The following EVC2 variants were observed in gnomAD, a reference collection of about 807,000 sequenced individuals.
EVC2 encodes EvC ciliary complex subunit 2.
Under a neutral mutation model 149.3 loss-of-function variants are expected in EVC2, and 148 were observed. That is an observed-to-expected ratio of 0.99 (90% CI 0.87 to 1.14). The LOEUF is 1.14. EVC2 is among the 50% of genes most tolerant of loss of function. EVC2 has a pLI of 0.00. For missense variants in EVC2, 1,854 were observed against 1,627.3 expected (o/e 1.14, Z -2.40); for synonymous variants, 776 against 649.9 (o/e 1.19, Z -2.95).
chr4:5,650,199 G>T (rs867278794), intron 9 of EVC2, among the ~76,000 whole-genome samples: 2 of 152,074 alleles, frequency 1.3e-5, no homozygotes, highest in Non-Finnish European at 2.9e-5. Context: ...TCCTTCCTGG[G>T]ATTTCCATAT....
In EVC2 at chr4:5,685,287, G is replaced by T. The variant is rs1324861649; in HGVS notation, c.816+83C>A. On this transcript the variant is annotated intron_variant, in intron 6 of 21. Coordinates refer to ENST00000344408, the MANE Select transcript of EVC2 (RefSeq NM_147127.5). ...ACTGAAGGAAGGAAGGAACTAACAG[G>T]TCTTCTGTCTGAAGTGTCCCTATTT... is the stretch of plus-strand genomic sequence containing the variant. 2.3e-6 allele frequency: 3 copies of T among 1,304,940 alleles called. No homozygotes were observed. In the African/African-American group the frequency reaches 4.4e-5, roughly 19 times the overall value. 80.8% of individuals were successfully genotyped at this position (1,304,940 alleles called of 1,614,324 possible). A position where few individuals can be genotyped will look rare whatever the true frequency, so the allele number is the denominator to read the frequency against.
At chr4:5,593,243 G>A (rs960703024) in intron 16 of EVC2, among the ~76,000 whole-genome samples, 9 of 152,098 alleles carry the variant, frequency 5.9e-5, no homozygotes, top group African/African-American at 1.7e-4. Flanking sequence ...CCAGAAGTAC[G>A]CCACTGTATA....
chr4:5,592,869 G>C (rs1372794687), intron 16 of EVC2, among the ~76,000 whole-genome samples: 3 of 152,146 alleles, frequency 2.0e-5, no homozygotes, highest in Admixed American at 1.3e-4. Flanking sequence ...ATGTGATATG[G>C]TTTGGCTGTG....
chr4:5,596,600 G>A (rs956892510), intron 16 of EVC2, among the ~76,000 whole-genome samples: 4 of 151,924 alleles, frequency 2.6e-5, no homozygotes, highest in African/African-American at 4.8e-5. Flanking sequence ...AGCACTAAAC[G>A]CCCACAAGAG....
rs199838475 is a variant in EVC2, at chr4:5,568,606, G to A, written c.3395C>T (p.Ala1132Val). The change falls in exon 20 of 22, where the codon GCC (alanine) becomes GTC (valine). Residue 1132 changes from alanine (A) to valine (V), a missense_variant. Physicochemically the swap from Ala to Val is moderately conservative, Grantham distance 64. Coordinates refer to ENST00000344408, the MANE Select transcript of EVC2 (RefSeq NM_147127.5). Reference protein sequence around the residue: ...LRLASYLARMAMVPGATLRRL... With the variant: ...LRLASYLARMVMVPGATLRRL... ...GCGAAGCGTGGCCCCGGGCACCATG[G>A]CCATCCTCGCCAGGTACGATGCCAG... 1.2e-4 allele frequency: 195 copies of A among 1,608,810 alleles called. No homozygotes were observed. Among genetic ancestry groups the A allele is most frequent in the Non-Finnish European group, 1.5e-4 (178 of 1,179,810 alleles).
chr4:5,697,394 T>A (rs1721544798), intron 2 of EVC2, among the ~76,000 whole-genome samples, 199 bp downstream of exon 2: 1 of 152,202 alleles, frequency 6.6e-6, no homozygotes, highest in Non-Finnish European at 1.5e-5. Flanking sequence ...TAGGTTCCAC[T>A]GTGCACTAAC....
At chr4:5,690,531 G>C (rs1435136788) in intron 4 of EVC2, among the ~76,000 whole-genome samples, 2 of 152,038 alleles carry the variant, frequency 1.3e-5, no homozygotes, top group Non-Finnish European at 1.5e-5. Flanking sequence ...TAGAGAACGA[G>C]TAACTGAGGT....
intron 19 of EVC2, among the ~76,000 whole-genome samples, chr4:5,568,880 A>G (rs1439726114): frequency 6.6e-6 from 1 of 151,964 alleles, no homozygotes; most frequent in Non-Finnish European, 1.5e-5. Flanking sequence ...CTCTCAAGTC[A>G]CTGGGGCAGT....
intron 7 of EVC2, among the ~76,000 whole-genome samples, chr4:5,671,494 A>G (rs1719646279): frequency 6.6e-6 from 1 of 152,130 alleles, no homozygotes; most frequent in Admixed American, 6.5e-5. Flanking sequence ...CCTTTTTAAT[A>G]TTTCAAACAA....
At chr4:5,584,077 G>A in intron 17 of EVC2, among the ~76,000 whole-genome samples, 1 of 152,048 alleles carries the variant, frequency 6.6e-6, no homozygotes, top group Non-Finnish European at 1.5e-5. Context: ...CAATAAATGT[G>A]AGGGGTTTTT....
At chr4:5,626,819 C>G (rs999526932) in intron 12 of EVC2, among the ~76,000 whole-genome samples, 1 of 152,102 alleles carries the variant, frequency 6.6e-6, no homozygotes, top group Non-Finnish European at 1.5e-5. Flanking sequence ...TGCCTTACAG[C>G]TAACAGTGGG....
intron 9 of EVC2, among the ~76,000 whole-genome samples, chr4:5,654,916 C>T (rs1415278968): frequency 1.3e-5 from 2 of 152,166 alleles, no homozygotes; most frequent in East Asian, 1.9e-4. Context: ...CCATGCTTCT[C>T]GGCACGAGTC....
chr4:5,597,317 A>C (rs554841839), intron 16 of EVC2, among the ~76,000 whole-genome samples: 1 of 152,380 alleles, frequency 6.6e-6, no homozygotes, highest in African/African-American at 2.4e-5. Flanking sequence ...AAAAATCCTC[A>C]GTAAAATACA....
intron 21 of EVC2, among the ~76,000 whole-genome samples, chr4:5,548,462 C>T (rs1721664460): frequency 6.6e-6 from 1 of 150,778 alleles, no homozygotes. Context: ...GCCCACCTTG[C>T]CTACTTCTAA....
In EVC2 at chr4:5,565,308, C is replaced by A; in HGVS notation, c.3609G>T (p.Leu1203=). The A allele has an allele frequency of 6.2e-7, 1 of 1,614,150 alleles. No homozygotes were observed. ...QALDGKLRGD[L]ISRGLEKMLW... ...GCATCTTTTCTAATCCTCTGCTTAT[C>A]AGATCTCCTCGCAGTTTGCCATCTA... Residue 1203 remains leucine (L), a synonymous_variant, in exon 21 of 22, where the codon CTG becomes CTT. Transcript: ENST00000344408.
At position 5,589,903 on chromosome 4, in the gene EVC2, A is replaced by G. The variant is rs111808261; in HGVS notation, c.2830-5053T>C. On this transcript the variant is annotated intron_variant, in intron 16 of 21. Transcript: ENST00000344408. ...TTTAACAAATATTGCCGTTGTTAAT[A>G]CTCTTATTACCTAAGGTGGAATATG... 1.3e-3 allele frequency among the ~76,000 whole-genome samples: 201 copies of G among 152,078 alleles called. 1 individual carries two copies. Among genetic ancestry groups the G allele is most frequent in the African/African-American group, 4.3e-3 (180 of 41,490 alleles).
chr4:5,653,560 G>A (rs1438097188), intron 9 of EVC2, among the ~76,000 whole-genome samples: 2 of 152,278 alleles, frequency 1.3e-5, no homozygotes, highest in Admixed American at 6.5e-5. Context: ...GTAAGGTCAC[G>A]GTAAAAAGTC....
At chr4:5,631,770 T>C (rs767499069) in intron 11 of EVC2, 23 bp downstream of exon 11, 4 of 1,612,254 alleles carry the variant, frequency 2.5e-6, no homozygotes, top group Non-Finnish European at 3.4e-6. Flanking sequence ...TACTTTTCCA[T>C]CACAGCGAGG....
At chr4:5,572,030 C>T (rs890739582) in intron 19 of EVC2, among the ~76,000 whole-genome samples, 5 of 152,220 alleles carry the variant, frequency 3.3e-5, no homozygotes, top group African/African-American at 4.8e-5. Flanking sequence ...TCGGCCTCCA[C>T]AATCACGGCA....
Sources: allele counts gnomAD v4.1 joint callset (sites outside exome capture counted in the v4.1 genomes callset), GRCh38; gene constraint gnomAD v4.1.1; transcripts MANE v1.5; gene names NCBI Gene and HGNC (gene_info 2026-07-23, HGNC 2026-07-21).